The following LPCAT3 variants were observed in gnomAD, a reference collection of about 807,000 sequenced individuals.
LPCAT3 encodes the protein lysophospholipid acyltransferase 5.
LPCAT3 carries 21 observed loss-of-function variants against 63.4 expected under a neutral mutation model. That is an observed-to-expected ratio of 0.33 (90% CI 0.23 to 0.48). The LOEUF (loss-of-function observed/expected upper bound fraction) is 0.48. Among genes scored for constraint, LPCAT3 ranks in the 20% least tolerant of loss-of-function variants. The pLI, the probability that LPCAT3 is intolerant of heterozygous loss-of-function variation, is 0.99. For synonymous variants in LPCAT3, 242 were observed against 227.5 expected (o/e 1.06, Z -0.58); for missense variants, 451 against 590.6 (o/e 0.76, Z 2.45).
In LPCAT3 at chr12:6,987,269, C is replaced by A. The variant is rs994305830; in HGVS notation, c.152-3730G>T. Among the ~76,000 whole-genome samples the A allele has an allele frequency of 1.3e-5, 2 of 152,114 alleles. No individual in the cohort carries two copies. Among genetic ancestry groups the A allele is most frequent in the Non-Finnish European group, 2.9e-5 (2 of 68,040 alleles). ...TCATTCACCAAGTGTTTAGTAAATG[C>A]CTGCTATATGCCAGGTATTCTGTTT... On this transcript the variant is annotated intron_variant, in intron 1 of 12. Transcript: ENST00000261407. This position sits in a 1 kb window ranked among gnomAD's most constrained non-coding sequence, Gnocchi z 4.1.
At chr12:6,992,061 G>T (rs1168496271) in intron 1 of LPCAT3, among the ~76,000 whole-genome samples, 3 of 151,776 alleles carry the variant, frequency 2.0e-5, no homozygotes, top group Admixed American at 2.0e-4. Flanking sequence ...GTGTGGTGGT[G>T]CATACCAGTT....
intron 1 of LPCAT3, among the ~76,000 whole-genome samples, chr12:7,000,866 C>T (rs1293377400): frequency 3.3e-5 from 5 of 151,830 alleles, no homozygotes; most frequent in Non-Finnish European, 7.4e-5. Context: ...GCCACCACGC[C>T]TGGCTAATTT....
rs782113216 is a variant in LPCAT3 at position 6,978,512 on chromosome 12, G to A, written c.874-5C>T. 5 of 1,612,288 alleles carry A rather than the reference G, an allele frequency of 3.1e-6. No individual in the cohort carries two copies. The highest frequency in any genetic ancestry group is 3.4e-6 in the Non-Finnish European group (4 of 1,178,584). ...CGTCAAAATGCATACTCCTTCCTGAGAGGGAATAGCTCAGTTAGGGCTCTT... is the reference window on the plus strand; with the variant it reads ...CGTCAAAATGCATACTCCTTCCTGAAAGGGAATAGCTCAGTTAGGGCTCTT... On this transcript the variant is annotated splice_region_variant and splice_polypyrimidine_tract_variant and intron_variant, in intron 8 of 12. Transcript: ENST00000261407.
At chr12:6,991,984 G>C (rs1229689864) in intron 1 of LPCAT3, among the ~76,000 whole-genome samples, 3 of 151,940 alleles carry the variant, frequency 2.0e-5, no homozygotes, top group Admixed American at 6.6e-5. Flanking sequence ...TTTAGGTCAG[G>C]AGTTCCAGAC....
chr12:6,986,795 CAAAAAAAAAAAAAAA>C (rs1157395768), intron 1 of LPCAT3, among the ~76,000 whole-genome samples: 1 of 33,924 alleles, frequency 2.9e-5, no homozygotes, highest in Non-Finnish European at 6.1e-5. Context: ...GACTCTGTCT[CAAAAAAAAAAAAAAA>C]AAAAAAAAAA....
intron 1 of LPCAT3, among the ~76,000 whole-genome samples, chr12:7,002,479 G>A (rs762273245): frequency 6.6e-6 from 1 of 151,976 alleles, no homozygotes; most frequent in Admixed American, 6.5e-5. Context: ...CTTATCATGA[G>A]TAATTTCTCT....
intron 1 of LPCAT3, among the ~76,000 whole-genome samples, chr12:7,001,947 C>CG (rs1177375989): frequency 3.3e-5 from 5 of 151,918 alleles, no homozygotes; most frequent in East Asian, 3.9e-4. Context: ...ATGTGGGAGT[C>CG]GGGGGGGAGT....
At chr12:6,978,020 C>T (rs180849908) in intron 9 of LPCAT3, 1 of 563,386 alleles carries the variant, frequency 1.8e-6, no homozygotes, top group East Asian at 3.0e-5. Context: ...ACACTCTACT[C>T]AAGCTGCCCA....
chr12:7,005,830 T>A (rs782130748), intron 1 of LPCAT3, among the ~76,000 whole-genome samples: 2 of 152,248 alleles, frequency 1.3e-5, no homozygotes, highest in Non-Finnish European at 2.9e-5. Context: ...ACTAGACTTA[T>A]GATTTACAAA....
At chr12:7,001,400 C>G (rs1555156489) in intron 1 of LPCAT3, 1 of 455,726 alleles carries the variant, frequency 2.2e-6, no homozygotes. Flanking sequence ...AATAATCAAC[C>G]ACCACCCCAA....
chr12:6,995,251 G>A (rs782109849), intron 1 of LPCAT3, among the ~76,000 whole-genome samples: 1 of 151,878 alleles, frequency 6.6e-6, no homozygotes, highest in Admixed American at 6.6e-5. Flanking sequence ...CAAGGCAGGC[G>A]GATCACCAGG....
chr12:7,008,005 C>G (rs1235451360), intron 1 of LPCAT3, among the ~76,000 whole-genome samples: 1 of 152,090 alleles, frequency 6.6e-6, no homozygotes, highest in African/African-American at 2.4e-5. Flanking sequence ...ACACTTGGTT[C>G]TTATACAGAA....
At chr12:7,004,176 GA>G (rs1946710574) in intron 1 of LPCAT3, among the ~76,000 whole-genome samples, 1 of 152,102 alleles carries the variant, frequency 6.6e-6, no homozygotes, top group Non-Finnish European at 1.5e-5. Flanking sequence ...TTAGTAGATG[GA>G]GTTTTTTTAA....
intron 1 of LPCAT3, among the ~76,000 whole-genome samples, chr12:6,984,667 G>A (rs1233176955): frequency 6.6e-6 from 1 of 152,174 alleles, no homozygotes; most frequent in East Asian, 1.9e-4. Context: ...GCTCACTGCA[G>A]CCTTGACCTC....
chr12:6,977,608 A>C lies in LPCAT3; in HGVS notation c.1178T>G (p.Val393Gly). 6.2e-7 allele frequency: 1 copy of C among 1,614,152 alleles called. No individual in the cohort carries two copies. Among genetic ancestry groups the C allele is most frequent in the Non-Finnish European group, 8.5e-7 (1 of 1,180,026 alleles). Residue 393 changes from valine to glycine, a missense_variant, in exon 10 of 13, where the codon GTG (valine) becomes GGG (glycine). By Grantham distance (109) the Val-to-Gly change is moderately radical. Around this residue, in one of 3 missense-constraint regions of LPCAT3, gnomAD observed 304 missense variants for 390.8 expected, o/e 0.78. Coordinates refer to ENST00000261407, the MANE Select transcript of LPCAT3 (RefSeq NM_005768.6). This position sits in a 1 kb window ranked among gnomAD's most constrained non-coding sequence, Gnocchi z 4.5. ...ACCCTGGAGGCCTACCTGTCTTTCC[A>C]CAATAACAATGAGGAATTCCATCTG... ...CFQMEFLIVI[V>G]ERQAARLIQE...
chr12:6,991,836 C>T (rs983070640), intron 1 of LPCAT3, among the ~76,000 whole-genome samples: 25 of 152,154 alleles, frequency 1.6e-4, no homozygotes, highest in Non-Finnish European at 1.6e-4. Context: ...TGACAACCAC[C>T]GTACTCTACC....
chr12:7,005,463 T>C (rs1946719757), intron 1 of LPCAT3, among the ~76,000 whole-genome samples: 1 of 152,256 alleles, frequency 6.6e-6, no homozygotes, highest in Non-Finnish European at 1.5e-5. Flanking sequence ...ACCCTAGGAA[T>C]GGAATTGCTG....
At position 6,981,128 on chromosome 12, in the gene LPCAT3, G is replaced by A. The variant is rs782449115; in HGVS notation, c.553C>T (p.Leu185=). 2.5e-6 allele frequency: 4 copies of A among 1,613,810 alleles called. No homozygotes were observed. The highest frequency in any genetic ancestry group is 3.4e-6 in the Non-Finnish European group (4 of 1,179,882). Residue 185 remains leucine (L), a synonymous_variant, in exon 6 of 13, where the codon CTG becomes TTG. Transcript: ENST00000261407. Reference sequence around the variant, plus strand: ...AAGTAGGAGAAACCAGCAACTTCCAGCAGGGAAGGAACACCACGTATGGCA... The same window carrying A: ...AAGTAGGAGAAACCAGCAACTTCCAACAGGGAAGGAACACCACGTATGGCA... ...KYAIRGVPSL[L]EVAGFSYFYG...
Position 7,018,448 on chromosome 12 carries a change from G to A in LPCAT3, c.-24C>T. The A allele has an allele frequency of 1.3e-6, 2 of 1,575,284 alleles. No individual in the cohort carries two copies. Among genetic ancestry groups the A allele is most frequent in the African/African-American group, 1.3e-5 (1 of 74,320 alleles). The stretch of plus-strand genomic sequence containing the variant: ...ATCTTAACTCCGGGAGCCCCACAGG[G>A]ACCCCCCAGCTCCGCGCGCCCCGAA... On this transcript the variant is annotated 5_prime_UTR_variant, in exon 1 of 13. Coordinates refer to ENST00000261407, the MANE Select transcript of LPCAT3 (RefSeq NM_005768.6). The surrounding 1 kb of genome is among the most constrained non-coding windows in gnomAD (Gnocchi z 4.9).
Sources: allele counts gnomAD v4.1 joint callset (sites outside exome capture counted in the v4.1 genomes callset), GRCh38; gene constraint gnomAD v4.1.1; regional missense constraint gnomAD v4.1.1; non-coding constraint Gnocchi (gnomAD v3.1); transcripts MANE v1.5; gene names NCBI Gene and HGNC (gene_info 2026-07-23, HGNC 2026-07-21).